CDK14: variants seen among roughly 807,000 people sequenced by gnomAD.
CDK14 encodes cyclin-dependent kinase 14.
CDK14 carries 34 observed loss-of-function variants against 60.7 expected under a neutral mutation model. The ratio of observed to expected loss-of-function variants is 0.56; its 90% CI spans 0.43 to 0.75. The LOEUF (loss-of-function observed/expected upper bound fraction) is 0.75, where lower values mean the gene tolerates loss of function less well. Ranked by LOEUF, CDK14 falls within the 30% of genes least tolerant of loss-of-function variation. CDK14 has a pLI of 0.00. For synonymous variants in CDK14, 197 were observed against 203.7 expected (o/e 0.97, Z 0.28); for missense variants, 482 against 564.1 (o/e 0.85, Z 1.47).
chr7:90,838,010 C>T (rs1790168746), intron 5 of CDK14, among the ~76,000 whole-genome samples: 1 of 152,020 alleles, frequency 6.6e-6, no homozygotes. Context: ...TTACAAAACA[C>T]ACACTCACCA....
chr7:90,636,724 T>G (rs1348682144), intron 2 of CDK14, among the ~76,000 whole-genome samples: 1 of 152,222 alleles, frequency 6.6e-6, no homozygotes, highest in Admixed American at 6.5e-5. Context: ...AGTTCCTCCT[T>G]GTACCTGTGG....
chr7:90,812,113 C>T (rs981052035), intron 5 of CDK14, among the ~76,000 whole-genome samples: 1 of 152,196 alleles, frequency 6.6e-6, no homozygotes, highest in African/African-American at 2.4e-5. Context: ...CATCCCATTA[C>T]TGGGTATATA....
At chr7:90,811,746 A>C (rs922036626) in intron 5 of CDK14, among the ~76,000 whole-genome samples, 1 of 152,142 alleles carries the variant, frequency 6.6e-6, no homozygotes, top group African/African-American at 2.4e-5. Context: ...TCCAGAATCT[A>C]CAATGAACTC....
intron 2 of CDK14, among the ~76,000 whole-genome samples, chr7:90,704,189 T>C (rs1411854891): frequency 6.6e-6 from 1 of 152,228 alleles, no homozygotes; most frequent in Non-Finnish European, 1.5e-5. Flanking sequence ...GTTTCTGTTA[T>C]AGAGTCATAA....
intron 14 of CDK14, among the ~76,000 whole-genome samples, chr7:91,186,271 T>C (rs1353149104): frequency 1.0e-4 from 3 of 30,106 alleles, no homozygotes; most frequent in African/African-American, 1.0e-4. Context: ...CCCTCTCCTC[T>C]CCTCCCCTCC....
At chr7:90,987,645 C>A (rs1246056429) in intron 10 of CDK14, among the ~76,000 whole-genome samples, 3 of 151,932 alleles carry the variant, frequency 2.0e-5, no homozygotes, top group African/African-American at 7.3e-5. Context: ...TATTATCACA[C>A]AAGTAGACTC....
At chr7:90,772,016 A>G (rs1224909037) in intron 4 of CDK14, among the ~76,000 whole-genome samples, 1 of 152,236 alleles carries the variant, frequency 6.6e-6, no homozygotes, top group Non-Finnish European at 1.5e-5. Flanking sequence ...AGACAAGACT[A>G]ACAGATGGAC....
chr7:91,069,422 T>C (rs1268013027), intron 11 of CDK14, among the ~76,000 whole-genome samples: 2 of 152,048 alleles, frequency 1.3e-5, no homozygotes, highest in African/African-American at 2.4e-5. Context: ...GTGCCTGTAG[T>C]CTCAGGTACT....
In CDK14 at chr7:90,892,411, A is replaced by G. The variant is rs546387551; in HGVS notation, c.640-6880A>G. ...GCTGTTGTTGCACCACATGACTAAG[A>G]TGAGTCAGTATAGTTCTCAGATCTG... On this transcript the variant is annotated intron_variant, in intron 6 of 14. Coordinates refer to ENST00000380050, the MANE Select transcript of CDK14 (RefSeq NM_001287135.2). Among the ~76,000 whole-genome samples the G allele has an allele frequency of 3.9e-5, 6 of 152,342 alleles. No homozygotes were observed. The East Asian group carries it at 9.6e-4, about 24-fold the overall frequency.
intron 11 of CDK14, among the ~76,000 whole-genome samples, chr7:91,065,032 A>G (rs573740314): frequency 3.3e-4 from 50 of 152,308 alleles, no homozygotes; most frequent in Middle Eastern, 6.8e-3. Flanking sequence ...TGTTATTTCT[A>G]TGTTAGAAAC....
At chr7:91,013,877 G>T (rs939982398) in intron 10 of CDK14, among the ~76,000 whole-genome samples, 1 of 151,924 alleles carries the variant, frequency 6.6e-6, no homozygotes. Context: ...TTTCAACCCT[G>T]CATGAGTCTG....
chr7:91,101,530 A>G (rs747479885), intron 12 of CDK14, among the ~76,000 whole-genome samples: 5 of 152,228 alleles, frequency 3.3e-5, no homozygotes, highest in Non-Finnish European at 5.9e-5. Context: ...CAGCCTATTT[A>G]CAGAAACTAA....
chr7:90,963,020 A>G (rs1382510603), intron 9 of CDK14, among the ~76,000 whole-genome samples: 1 of 151,954 alleles, frequency 6.6e-6, no homozygotes, highest in Non-Finnish European at 1.5e-5. Flanking sequence ...TTTTAGGGAA[A>G]TTAACATACT....
At chr7:91,124,317 T>G (rs1220616221) in intron 14 of CDK14, among the ~76,000 whole-genome samples, 1 of 152,192 alleles carries the variant, frequency 6.6e-6, no homozygotes, top group Non-Finnish European at 1.5e-5. Context: ...TAGCTACATT[T>G]GCTTTATCAT....
At chr7:90,935,915 C>T (rs534782733) in intron 8 of CDK14, among the ~76,000 whole-genome samples, 9 of 151,974 alleles carry the variant, frequency 5.9e-5, no homozygotes, top group South Asian at 2.1e-4. Context: ...CATGTGGTGA[C>T]GTGCAGCTGA....
intron 7 of CDK14, among the ~76,000 whole-genome samples, chr7:90,911,333 C>G (rs1322466351): frequency 6.6e-6 from 1 of 152,080 alleles, no homozygotes; most frequent in East Asian, 1.9e-4. Flanking sequence ...TAAGACTTAA[C>G]CAACCACTCA....
intron 4 of CDK14, among the ~76,000 whole-genome samples, chr7:90,779,425 A>G (rs1451244887): frequency 6.6e-6 from 1 of 151,998 alleles, no homozygotes; most frequent in East Asian, 1.9e-4. Context: ...ACTATTTTTT[A>G]AATTTTTGTA....
intron 4 of CDK14, among the ~76,000 whole-genome samples, chr7:90,768,937 G>A (rs1804676135): frequency 1.3e-5 from 2 of 152,114 alleles, no homozygotes; most frequent in Non-Finnish European, 2.9e-5. Flanking sequence ...ATTTTTGATA[G>A]TAATTTTTAT....
intron 8 of CDK14, among the ~76,000 whole-genome samples, chr7:90,927,825 T>C (rs1292303936): frequency 1.3e-5 from 2 of 152,222 alleles, no homozygotes; most frequent in Admixed American, 6.5e-5. Context: ...CTTGGTTCCA[T>C]TCCCCCCGTC....
Sources: gnomAD v4.1 joint callset for allele counts (sites outside exome capture counted in the v4.1 genomes callset) on GRCh38, gnomAD v4.1.1 for gene constraint, MANE v1.5 for transcripts, NCBI Gene and HGNC (gene_info 2026-07-23, HGNC 2026-07-21) for gene names.